EEFSEC: variants seen among roughly 807,000 people sequenced by gnomAD.
EEFSEC encodes selenocysteine-specific elongation factor.
In EEFSEC, 43 loss-of-function variants were observed where a neutral mutation model predicts 42.1. That is an observed-to-expected ratio of 1.02 (90% CI 0.80 to 1.32). The LOEUF is 1.32. Ranked by LOEUF, EEFSEC falls within the 40% of genes most tolerant of loss-of-function variation. The probability of loss-of-function intolerance (pLI) is 0.00; values close to 1 mark genes in which losing one functional copy is unlikely to be tolerated. For synonymous variants in EEFSEC, 354 were observed against 339.1 expected, an observed-to-expected ratio of 1.04 and a Z score of -0.48; for missense variants, 745 against 803.6, an observed-to-expected ratio of 0.93 and a Z score of 0.88.
intron 1 of EEFSEC, among the ~76,000 whole-genome samples, chr3:128,173,915 G>A (rs2065322961): frequency 6.6e-6 from 1 of 152,228 alleles, no homozygotes; most frequent in South Asian, 2.1e-4. Flanking sequence ...TACAGTGGCA[G>A]AGTGCTTCAG....
Position 128,341,413 on chromosome 3 carries a change from C to T in EEFSEC, c.967C>T (p.Pro323Ser). ...GGCCCTCATCTCTGTGGAAAAGATACCGTATTTCCGGGGGCCCCTGCAAAC... is the reference window on the plus strand; with the variant it reads ...GGCCCTCATCTCTGTGGAAAAGATATCGTATTTCCGGGGGCCCCTGCAAAC... ...HAALISVEKI[P>S]YFRGPLQTKA... is the part of the protein sequence containing the mutation. The change falls in exon 5 of 7, where the codon CCG (proline) becomes TCG (serine). Residue 323 changes from proline (P) to serine (S), a missense_variant. Pro to Ser is a moderately conservative substitution (Grantham distance 74). Transcript: ENST00000254730. The T allele has an allele frequency of 1.2e-6, 2 of 1,614,166 alleles. No individual in the cohort carries two copies. Among genetic ancestry groups the T allele is most frequent in the Non-Finnish European group, 1.7e-6 (2 of 1,180,032 alleles).
intron 4 of EEFSEC, among the ~76,000 whole-genome samples, chr3:128,291,370 G>C (rs1036261154): frequency 2.6e-5 from 4 of 152,114 alleles, no homozygotes; most frequent in Non-Finnish European, 4.4e-5. Context: ...TTTAGGTCTT[G>C]AGGGCTCCAC....
chr3:128,413,033 C>T (rs2068184913), downstream of EEFSEC, among the ~76,000 whole-genome samples: 1 of 152,132 alleles, frequency 6.6e-6, no homozygotes, highest in East Asian at 1.9e-4. Flanking sequence ...CCCCTCTGGC[C>T]TCCTGAAGGA....
intron 4 of EEFSEC, among the ~76,000 whole-genome samples, chr3:128,287,424 A>AG (rs1319793201): frequency 1.3e-5 from 2 of 152,168 alleles, no homozygotes; most frequent in African/African-American, 4.8e-5. Flanking sequence ...GAGGCTGGGG[A>AG]GGGGATGGAA....
chr3:128,363,201 G>A (rs532171500), intron 6 of EEFSEC, among the ~76,000 whole-genome samples: 2 of 152,308 alleles, frequency 1.3e-5, no homozygotes, highest in Admixed American at 6.5e-5. Context: ...CAAGCACCTC[G>A]TTTCACTGCA....
chr3:128,385,077 G>A (rs984258279), intron 6 of EEFSEC, among the ~76,000 whole-genome samples: 1 of 152,192 alleles, frequency 6.6e-6, no homozygotes, highest in Admixed American at 6.5e-5. Context: ...ACAAGGAGTG[G>A]CAGAGGCATA....
intron 4 of EEFSEC, among the ~76,000 whole-genome samples, chr3:128,281,156 A>G (rs1442743392): frequency 6.6e-6 from 1 of 152,206 alleles, no homozygotes; most frequent in African/African-American, 2.4e-5. Flanking sequence ...GGTGAGGGGA[A>G]TCCAAGGTCC....
chr3:128,348,271 C>CGTGTGTGTGTGCGTGTGTGTGTGTGT (rs71618139), intron 5 of EEFSEC, among the ~76,000 whole-genome samples: 1 of 147,702 alleles, frequency 6.8e-6, no homozygotes, highest in African/African-American at 2.5e-5. Context: ...TGTGTGTGTG[C>CGTGTGTGTGTGCGTGTGTGTGTGTGT]GTGTGCGTGT....
chr3:128,195,028 TCTC>T (rs2065569407), intron 1 of EEFSEC, among the ~76,000 whole-genome samples: 1 of 152,190 alleles, frequency 6.6e-6, no homozygotes, highest in African/African-American at 2.4e-5. Flanking sequence ...GTGCTGCTTT[TCTC>T]CTCCTCCCAC....
At chr3:128,227,477 C>G (rs1328047546) in intron 1 of EEFSEC, among the ~76,000 whole-genome samples, 1 of 152,150 alleles carries the variant, frequency 6.6e-6, no homozygotes. Flanking sequence ...CCTTCCAGCA[C>G]CTTCAGCTTA....
chr3:128,230,448 C>T (rs1411247295), intron 1 of EEFSEC, among the ~76,000 whole-genome samples: 4 of 152,248 alleles, frequency 2.6e-5, no homozygotes, highest in Non-Finnish European at 5.9e-5. Context: ...AGCCACTGTA[C>T]TTGGCCACTG....
At chr3:128,315,188 A>G (rs1443574238) in intron 4 of EEFSEC, among the ~76,000 whole-genome samples, 1 of 152,190 alleles carries the variant, frequency 6.6e-6, no homozygotes, top group Non-Finnish European at 1.5e-5. Context: ...CTCAGCAGTA[A>G]AGTGGGGGAT....
At chr3:128,196,160 T>A (rs1290170801) in intron 1 of EEFSEC, among the ~76,000 whole-genome samples, 1 of 152,228 alleles carries the variant, frequency 6.6e-6, no homozygotes, top group African/African-American at 2.4e-5. Flanking sequence ...GAAACCAATT[T>A]ATAATAATTG....
chr3:128,388,355 C>G (rs929306328), intron 6 of EEFSEC, among the ~76,000 whole-genome samples: 1 of 152,182 alleles, frequency 6.6e-6, no homozygotes, highest in African/African-American at 2.4e-5. Flanking sequence ...CTTCTCGGAC[C>G]CCTCAATTTA....
At chr3:128,213,137 A>G (rs1373218779) in intron 1 of EEFSEC, among the ~76,000 whole-genome samples, 1 of 152,148 alleles carries the variant, frequency 6.6e-6, no homozygotes. Context: ...TGGGAGGGAG[A>G]GCAAGGACGC....
chr3:128,411,136 C>T (rs2068171093), downstream of EEFSEC, among the ~76,000 whole-genome samples: 1 of 152,236 alleles, frequency 6.6e-6, no homozygotes, highest in Admixed American at 6.5e-5. Flanking sequence ...GAAGGTGCAG[C>T]CTAGCCGGGA....
intron 4 of EEFSEC, among the ~76,000 whole-genome samples, chr3:128,305,030 G>A (rs900249380): frequency 2.6e-5 from 4 of 151,996 alleles, no homozygotes; most frequent in African/African-American, 9.7e-5. Context: ...ATGAGAATGT[G>A]GTGAGTGTTT....
chr3:128,305,628 A>G (rs915941312), intron 4 of EEFSEC, among the ~76,000 whole-genome samples: 1 of 152,126 alleles, frequency 6.6e-6, no homozygotes, highest in African/African-American at 2.4e-5. Flanking sequence ...ATATCTTCAA[A>G]TTCATTTGTA....
At chr3:128,423,094 C>T in the EEFSEC span, among the ~76,000 whole-genome samples, 2 of 152,196 alleles carry the variant, frequency 1.3e-5, no homozygotes, top group Non-Finnish European at 2.9e-5. Context: ...ATTAGGACCA[C>T]CTTCTCTGGG....
Sources: allele counts gnomAD v4.1 joint callset (sites outside exome capture counted in the v4.1 genomes callset), GRCh38; gene constraint gnomAD v4.1.1; transcripts MANE v1.5; gene names NCBI Gene and HGNC (gene_info 2026-07-23, HGNC 2026-07-21).